The following PCDHGA5 variants were observed in gnomAD, a reference collection of about 807,000 sequenced individuals.
PCDHGA5 encodes protocadherin gamma subfamily A, 5, also known as protocadherin gamma-A5.
PCDHGA5 carries 36 observed loss-of-function variants against 56.7 expected under a neutral mutation model. The ratio of observed to expected loss-of-function variants is 0.64; its 90% CI spans 0.49 to 0.84. The LOEUF (loss-of-function observed/expected upper bound fraction) is 0.84. Among genes scored for constraint, PCDHGA5 ranks in the 40% least tolerant of loss-of-function variants. PCDHGA5 has a pLI of 0.00. For synonymous variants in PCDHGA5, 563 were observed against 520.2 expected (o/e 1.08, Z -1.12); for missense variants, 1,305 against 1,201.5 (o/e 1.09, Z -1.27).
chr5:141,438,754 T>C (rs1213047429), intron 1 of PCDHGA5, among the ~76,000 whole-genome samples: 3 of 148,368 alleles, frequency 2.0e-5, no homozygotes, highest in African/African-American at 5.0e-5. Context: ...CTCTGCCTCC[T>C]GGGTTCAAGC....
At chr5:141,380,735 C>G (rs973708229) in intron 1 of PCDHGA5, among the ~76,000 whole-genome samples, 6 of 152,066 alleles carry the variant, frequency 3.9e-5, no homozygotes, top group Admixed American at 3.3e-4. Flanking sequence ...TTCCTTTTCT[C>G]CAAAGAAGGT....
rs374229757 is a variant in PCDHGA5, at chr5:141,491,437, C to T, written c.2422-3370C>T. 4 of 1,613,978 alleles carry T rather than the reference C, an allele frequency of 2.5e-6. No homozygotes were observed. Among genetic ancestry groups the T allele is most frequent in the Admixed American group, 3.3e-5 (2 of 60,004 alleles). ...CGGGGGTGGAGGGCAGTGCTGCAGG[C>T]GCCAGGACTCACCCTCCCCGGACTT... On this transcript the variant is annotated intron_variant, in intron 1 of 3. Coordinates refer to ENST00000518069, the MANE Select transcript of PCDHGA5 (RefSeq NM_018918.3). This position sits in a 1 kb window ranked among gnomAD's most constrained non-coding sequence, Gnocchi z 6.9.
chr5:141,401,641 A>C (rs557366973), intron 1 of PCDHGA5, among the ~76,000 whole-genome samples: 1 of 152,374 alleles, frequency 6.6e-6, no homozygotes, highest in African/African-American at 2.4e-5. Context: ...GGAGCTTTAA[A>C]TATAAATGAC....
At chr5:141,409,030 GAT>G in intron 1 of PCDHGA5, 1 of 1,614,010 alleles carries the variant, frequency 6.2e-7, no homozygotes, top group Non-Finnish European at 8.5e-7. Context: ...TCAATGCTGA[GAT>G]AAACTACTAC....
Position 141,364,231 on chromosome 5 carries a change from C to T in PCDHGA5, c.-100C>T. The T allele has an allele frequency of 7.2e-7, 1 of 1,392,326 alleles. No individual in the cohort carries two copies. The highest frequency in any genetic ancestry group is 9.6e-7 in the Non-Finnish European group (1 of 1,043,990). 86.2% of individuals were successfully genotyped at this position (1,392,326 alleles called of 1,614,324 possible). A position where few individuals can be genotyped will look rare whatever the true frequency, so the allele number is the denominator to read the frequency against. On this transcript the variant is annotated 5_prime_UTR_variant, in exon 1 of 4. In the 5' UTR this introduces an upstream ATG that the reference lacks. Transcript: ENST00000518069. Reference sequence around the variant, plus strand: ...GCTCCTACGAAAAGCCAACGCTCCACGCCCATTTTCGTCAGGGAATATGTA... The same window carrying T: ...GCTCCTACGAAAAGCCAACGCTCCATGCCCATTTTCGTCAGGGAATATGTA...
chr5:141,455,983 C>T (rs542017964), intron 1 of PCDHGA5, among the ~76,000 whole-genome samples: 23 of 151,546 alleles, frequency 1.5e-4, no homozygotes, highest in African/African-American at 5.1e-4. Context: ...CTGCAAGCTC[C>T]GCCTCTCGGG....
At chr5:141,415,063 G>A (rs569362520) in intron 1 of PCDHGA5, 3 of 1,613,432 alleles carry the variant, frequency 1.9e-6, no homozygotes, top group Admixed American at 1.7e-5. Flanking sequence ...CACGGGCGAG[G>A]TGCGCACGGC....
chr5:141,422,568 C>T (rs372115955), intron 1 of PCDHGA5: 91 of 1,613,904 alleles, frequency 5.6e-5, no homozygotes, highest in Non-Finnish European at 7.5e-5. Flanking sequence ...CAGATGACAA[C>T]GATAACCCTC....
chr5:141,375,743 G>C, intron 1 of PCDHGA5: 2 of 1,614,238 alleles, frequency 1.2e-6, no homozygotes, highest in East Asian at 2.2e-5. Flanking sequence ...GTTTGTGCTG[G>C]ACCAGAATGA....
intron 1 of PCDHGA5, chr5:141,427,255 G>C (rs1369151995): frequency 2.2e-6 from 1 of 456,746 alleles, no homozygotes; most frequent in Non-Finnish European, 4.4e-6. Flanking sequence ...GATGGTGGAG[G>C]CATGACCAGC....
chr5:141,416,615 C>T (rs1156238298), intron 1 of PCDHGA5: 1 of 152,088 alleles, frequency 6.6e-6, no homozygotes, highest in Non-Finnish European at 1.5e-5. Context: ...AATGCCATTT[C>T]TGCAGATCAG....
intron 1 of PCDHGA5, chr5:141,424,160 CATCT>C (rs1554117117): frequency 1.5e-5 from 4 of 273,202 alleles, no homozygotes; most frequent in South Asian, 1.4e-4. Flanking sequence ...CTCTCCTTCT[CATCT>C]ATCTATCTAT....
intron 1 of PCDHGA5, chr5:141,418,530 G>A (rs370822103): frequency 5.0e-6 from 8 of 1,613,834 alleles, no homozygotes; most frequent in Non-Finnish European, 6.8e-6. Context: ...CCCCGAAGCG[G>A]TACTGCTCAG....
chr5:141,474,847 GCCTTCT>G (rs906863967), intron 1 of PCDHGA5, among the ~76,000 whole-genome samples: 3 of 152,198 alleles, frequency 2.0e-5, no homozygotes, highest in African/African-American at 7.2e-5. Context: ...CACTTTACCT[GCCTTCT>G]TCATTTAATA....
At chr5:141,370,466 G>A in intron 1 of PCDHGA5, 1 of 1,613,220 alleles carries the variant, frequency 6.2e-7, no homozygotes, top group Non-Finnish European at 8.5e-7. Flanking sequence ...TGCTCTCTTT[G>A]TTAGACCAGG....
In PCDHGA5 at chr5:141,476,928, T is replaced by C. The variant is rs1279715094; in HGVS notation, c.2422-17879T>C. 6.2e-7 allele frequency: 1 copy of C among 1,614,142 alleles called. No individual in the cohort carries two copies. The highest frequency in any genetic ancestry group is 2.2e-5 in the East Asian group (1 of 44,868). On this transcript the variant is annotated intron_variant, in intron 1 of 3. Transcript: ENST00000518069. This position sits in a 1 kb window ranked among gnomAD's most constrained non-coding sequence, Gnocchi z 7.6. ...GTGGTACAAGTCCTTGCAACGGATC[T>C]GGATGAAGGCCCCAACGGTGAAATT...
At chr5:141,495,392 G>A (rs2099760968) in intron 2 of PCDHGA5, among the ~76,000 whole-genome samples, 2 of 152,186 alleles carry the variant, frequency 1.3e-5, no homozygotes, top group Non-Finnish European at 2.9e-5. Context: ...GGCGGGGCAT[G>A]GAGCAGGCCC....
chr5:141,471,404 TTA>T (rs1320685792), intron 1 of PCDHGA5: 3 of 152,170 alleles, frequency 2.0e-5, no homozygotes, highest in Non-Finnish European at 4.4e-5. Flanking sequence ...GTAGCTAGGC[TTA>T]GTTATGTTTT....
chr5:141,441,289 T>C (rs1350801949), intron 1 of PCDHGA5: 1 of 152,212 alleles, frequency 6.6e-6, no homozygotes, highest in Non-Finnish European at 1.5e-5. Flanking sequence ...CGAGGTCACA[T>C]GTCTGATATA....
Sources: gnomAD v4.1 joint callset for allele counts (sites outside exome capture counted in the v4.1 genomes callset) on GRCh38, gnomAD v4.1.1 for gene constraint, Gnocchi (gnomAD v3.1) non-coding constraint, MANE v1.5 for transcripts, NCBI Gene and HGNC (gene_info 2026-07-23, HGNC 2026-07-21) for gene names.